The following KATNIP variants were observed in gnomAD, a reference collection of about 807,000 sequenced individuals.
KATNIP encodes katanin interacting protein.
In KATNIP, 126 loss-of-function variants were observed where a neutral mutation model predicts 174.0. The ratio of observed to expected loss-of-function variants is 0.72; its 90% CI spans 0.63 to 0.84. The LOEUF is 0.84. KATNIP is among the 40% of genes least tolerant of loss of function. KATNIP has a pLI of 0.00. For synonymous variants in KATNIP, 810 were observed against 835.7 expected, an observed-to-expected ratio of 0.97 and a Z score of 0.53; for missense variants, 1,958 against 2,109.7, an observed-to-expected ratio of 0.93 and a Z score of 1.41.
intron 16 of KATNIP, 89 bp from the exon 17 acceptor site, chr16:27,751,630 C>A: frequency 8.1e-7 from 1 of 1,234,748 alleles, no homozygotes; most frequent in Non-Finnish European, 1.2e-6. Context: ...GGTTGTACAG[C>A]ACAGAAGTGG....
chr16:27,561,097 C>T (rs150349708), intron 1 of KATNIP, among the ~76,000 whole-genome samples: 1,817 of 151,866 alleles, frequency 0.012, 31 homozygotes, highest in African/African-American at 0.041. Context: ...CTGCAACCTC[C>T]GCCTCCTGGG....
rs147734911 is a variant in KATNIP at position 27,578,312 on chromosome 16, G to A, written c.63+4356G>A. Among the ~76,000 whole-genome samples the A allele has an allele frequency of 1.1e-3, 164 of 152,224 alleles. 5 individuals carry two copies. In the East Asian group the frequency reaches 0.029, roughly 27 times the overall value. On this transcript the variant is annotated intron_variant, in intron 2 of 27. Coordinates refer to ENST00000261588, the MANE Select transcript of KATNIP (RefSeq NM_015202.5). ...CACACCACTGCACCCCAACCTAGGCGACAGAGTGAGACTCTATCTCAAAAA... is the reference window on the plus strand; with the variant it reads ...CACACCACTGCACCCCAACCTAGGCAACAGAGTGAGACTCTATCTCAAAAA...
chr16:27,703,633 C>T (rs1281029932), intron 11 of KATNIP, among the ~76,000 whole-genome samples: 3 of 152,238 alleles, frequency 2.0e-5, no homozygotes, highest in Non-Finnish European at 4.4e-5. Context: ...TCTTGACTCT[C>T]AAGTTCTAAG....
intron 13 of KATNIP, among the ~76,000 whole-genome samples, chr16:27,720,896 G>A (rs1241071234): frequency 6.6e-6 from 1 of 152,142 alleles, no homozygotes; most frequent in Non-Finnish European, 1.5e-5. Context: ...CCTGGTTTGG[G>A]TTTTTCCATC....
intron 21 of KATNIP, 149 bp from the exon 22 acceptor site, chr16:27,771,439 G>T: frequency 1.5e-6 from 1 of 657,256 alleles, no homozygotes; most frequent in Non-Finnish European, 2.5e-6. Flanking sequence ...AACTCCACAC[G>T]AGCAGGGGCC....
intron 6 of KATNIP, among the ~76,000 whole-genome samples, chr16:27,655,365 C>T (rs968616439): frequency 1.9e-4 from 29 of 150,938 alleles, no homozygotes; most frequent in African/African-American, 6.8e-4. Context: ...TCCCAAGTAG[C>T]TGGGGTTACA....
At chr16:27,739,743 C>CA (rs889709036) in intron 14 of KATNIP, among the ~76,000 whole-genome samples, 6 of 152,152 alleles carry the variant, frequency 3.9e-5, no homozygotes, top group African/African-American at 1.2e-4. Flanking sequence ...TAGCAAGAGA[C>CA]AGGAAGCAGG....
intron 8 of KATNIP, among the ~76,000 whole-genome samples, chr16:27,694,627 C>T (rs2078850599): frequency 2.0e-5 from 3 of 151,882 alleles, no homozygotes; most frequent in Admixed American, 6.6e-5. Context: ...GAAACCCCGT[C>T]TCTACAAAAA....
intron 5 of KATNIP, among the ~76,000 whole-genome samples, chr16:27,648,379 A>T (rs1447495187): frequency 6.6e-6 from 1 of 152,114 alleles, no homozygotes; most frequent in Non-Finnish European, 1.5e-5. Context: ...AAGAAACAGT[A>T]GACTCTTGAG....
intron 4 of KATNIP, among the ~76,000 whole-genome samples, chr16:27,629,222 C>T (rs1015431784): frequency 2.7e-5 from 4 of 150,356 alleles, no homozygotes; most frequent in East Asian, 1.9e-4. Flanking sequence ...ATGTGAACAA[C>T]GAACACAAGT....
chr16:27,772,186 C>T (rs1266968498), intron 22 of KATNIP, among the ~76,000 whole-genome samples: 1 of 152,122 alleles, frequency 6.6e-6, no homozygotes, highest in African/African-American at 2.4e-5. Flanking sequence ...GTGGGAGGAC[C>T]TTTTGAGCCC....
At chr16:27,730,081 A>G (rs930612508) in intron 14 of KATNIP, among the ~76,000 whole-genome samples, 5 of 152,318 alleles carry the variant, frequency 3.3e-5, no homozygotes, top group South Asian at 2.1e-4. Flanking sequence ...GGGGCCCTGC[A>G]GTGAAGGCGA....
intron 12 of KATNIP, among the ~76,000 whole-genome samples, chr16:27,706,937 AG>A (rs1408658883): frequency 1.3e-5 from 2 of 152,224 alleles, no homozygotes; most frequent in Non-Finnish European, 2.9e-5. Context: ...ACTCAGACCC[AG>A]GGCAGCAGAG....
At position 27,573,972 on chromosome 16, in the gene KATNIP, G is replaced by A; in HGVS notation, c.63+16G>A. 6.2e-7 allele frequency: 1 copy of A among 1,613,272 alleles called. No homozygotes were observed. The highest frequency in any genetic ancestry group is 2.2e-5 in the East Asian group (1 of 44,882). On this transcript the variant is annotated intron_variant, in intron 2 of 27. Transcript: ENST00000261588. The stretch of plus-strand genomic sequence containing the variant: ...GAAAAAGGAGGTAAATGTGTCCCTG[G>A]CGAGGGCTGATGGGAGGCAACTCTA...
In KATNIP at chr16:27,638,979, ACT is replaced by A. The variant is rs149987497; in HGVS notation, c.408+7822_408+7823del. On this transcript the variant is annotated intron_variant, in intron 5 of 27. Transcript: ENST00000261588. ...GTGAGCCACTGCGCCCAGCCCTGAA[ACT>A]CTCTTGAATCACACACCCTGTTTCT... Among the ~76,000 whole-genome samples, 2,549 of 151,128 alleles carry A rather than the reference ACT, an allele frequency of 0.017. 147 individuals carry two copies. In the East Asian group the frequency reaches 0.19, roughly 11 times the overall value.
At chr16:27,634,770 C>T (rs2076586516) in intron 5 of KATNIP, among the ~76,000 whole-genome samples, 1 of 152,214 alleles carries the variant, frequency 6.6e-6, no homozygotes, top group Non-Finnish European at 1.5e-5. Flanking sequence ...CTAAATCACA[C>T]CCAGAACCCA....
At chr16:27,738,223 G>A (rs987712499) in intron 14 of KATNIP, among the ~76,000 whole-genome samples, 2 of 152,128 alleles carry the variant, frequency 1.3e-5, no homozygotes, top group South Asian at 2.1e-4. Flanking sequence ...CAGAAAGGAC[G>A]ATCAGTATAT....
chr16:27,644,410 G>T (rs1463311508), intron 5 of KATNIP: 3 of 152,152 alleles, frequency 2.0e-5, no homozygotes, highest in African/African-American at 7.2e-5. Flanking sequence ...CTGGCTGGGT[G>T]CCAGCCCCAT....
intron 18 of KATNIP, among the ~76,000 whole-genome samples, chr16:27,759,160 A>C (rs1274564648): frequency 6.6e-6 from 1 of 152,212 alleles, no homozygotes; most frequent in East Asian, 1.9e-4. Flanking sequence ...GGCTCCGGGG[A>C]TACAGCAGTG....
Sources: allele counts gnomAD v4.1 joint callset (sites outside exome capture counted in the v4.1 genomes callset), GRCh38; gene constraint gnomAD v4.1.1; transcripts MANE v1.5; gene names NCBI Gene and HGNC (gene_info 2026-07-23, HGNC 2026-07-21).